Variants in TMEM154 observed in about 807,000 individuals in gnomAD.
The protein encoded by TMEM154 is transmembrane protein 154.
Under a neutral mutation model 24.5 loss-of-function variants are expected in TMEM154, and 27 were observed. That is an observed-to-expected ratio of 1.10 (90% CI 0.81 to 1.52). The LOEUF (loss-of-function observed/expected upper bound fraction) is 1.52, where lower values mean the gene tolerates loss of function less well. TMEM154 is among the 40% of genes most tolerant of loss of function. TMEM154 has a pLI of 0.00. For missense variants in TMEM154, 228 were observed against 213.4 expected (o/e 1.07, Z -0.43); for synonymous variants, 67 against 76.8 (o/e 0.87, Z 0.67).
intron 1 of TMEM154, among the ~76,000 whole-genome samples, chr4:152,660,622 G>A (rs140285391): frequency 6.6e-6 from 1 of 152,270 alleles, no homozygotes; most frequent in African/African-American, 2.4e-5. Flanking sequence ...CCAGGGGGCC[G>A]ATGGCAGAAC....
chr4:152,659,783 G>A (rs1242476598), intron 1 of TMEM154, among the ~76,000 whole-genome samples: 1 of 152,158 alleles, frequency 6.6e-6, no homozygotes, highest in Middle Eastern at 3.2e-3. Context: ...GAAATTATCG[G>A]TAGTACTGAA....
In TMEM154 at chr4:152,654,239, G is replaced by A. The variant is rs1049401339; in HGVS notation, c.65-1312C>T. On this transcript the variant is annotated intron_variant, in intron 1 of 6. Transcript: ENST00000304385. ...AGGGGCCAACTGAGGAAAATACCTC[G>A]TAAGTTGATGCTACAGAAAACTTAT... 6.4e-4 allele frequency among the ~76,000 whole-genome samples: 97 copies of A among 152,278 alleles called. 1 individual carries two copies. Among genetic ancestry groups the A allele is most frequent in the Admixed American group, 2.6e-4 (4 of 15,296 alleles).
chr4:152,646,769 C>A (rs750657082), intron 3 of TMEM154: 101 of 588,876 alleles, frequency 1.7e-4, no homozygotes, highest in South Asian at 8.2e-4. Context: ...CTGGTGGAGG[C>A]TAGGGGAGGG....
At chr4:152,643,501 CG>C (rs1200033094) in intron 4 of TMEM154, among the ~76,000 whole-genome samples, 1 of 152,182 alleles carries the variant, frequency 6.6e-6, no homozygotes, top group Non-Finnish European at 1.5e-5. Context: ...GAGGCCCTTC[CG>C]GGGAGTTGCC....
intron 3 of TMEM154, 23 bp from the exon 4 acceptor site, chr4:152,644,465 G>A (rs775583380): frequency 6.2e-7 from 1 of 1,613,362 alleles, no homozygotes; most frequent in South Asian, 1.1e-5. Context: ...GAACATAAAG[G>A]TCATGTTAGC....
chr4:152,661,996 A>G (rs1227515981), intron 1 of TMEM154, among the ~76,000 whole-genome samples: 2 of 152,182 alleles, frequency 1.3e-5, no homozygotes, highest in African/African-American at 4.8e-5. Flanking sequence ...TTTTCACTTA[A>G]AATTTTATCT....
At chr4:152,656,203 T>C (rs768725250) in intron 1 of TMEM154, among the ~76,000 whole-genome samples, 1 of 152,156 alleles carries the variant, frequency 6.6e-6, no homozygotes, top group Non-Finnish European at 1.5e-5. Flanking sequence ...CTACCACTGA[T>C]ACTGCCAACA....
intron 3 of TMEM154, chr4:152,646,660 C>A: frequency 2.8e-6 from 1 of 357,548 alleles, no homozygotes; most frequent in African/African-American, 2.1e-5. Context: ...TCCTCCAACC[C>A]ACTTTGTCCT....
chr4:152,662,208 A>T (rs960343663), intron 1 of TMEM154, among the ~76,000 whole-genome samples: 4 of 152,028 alleles, frequency 2.6e-5, no homozygotes, highest in African/African-American at 7.2e-5. Context: ...AGAGGGTGTT[A>T]GGTGCAGGGT....
intron 1 of TMEM154, among the ~76,000 whole-genome samples, chr4:152,665,148 C>G (rs1656725875): frequency 2.0e-5 from 3 of 152,206 alleles, no homozygotes; most frequent in Admixed American, 2.0e-4. Context: ...CAGTCCAAGG[C>G]TGAATGAGCT....
Position 152,670,296 on chromosome 4 carries a change from G to T in TMEM154, c.64+9574C>A, listed in dbSNP as rs569449143. Among the ~76,000 whole-genome samples the T allele has an allele frequency of 1.3e-3, 201 of 152,302 alleles. 1 individual carries two copies. Among genetic ancestry groups the T allele is most frequent in the African/African-American group, 4.5e-3 (189 of 41,556 alleles). On this transcript the variant is annotated intron_variant, in intron 1 of 6. Transcript: ENST00000304385. ...GAGGTGAACTGTTCATACATTAAAA[G>T]ATTTGGGAGGCCGGGTGCGGTGGCT...
intron 1 of TMEM154, among the ~76,000 whole-genome samples, chr4:152,674,229 G>C (rs1728907711): frequency 6.6e-6 from 1 of 152,076 alleles, no homozygotes; most frequent in Admixed American, 6.6e-5. Flanking sequence ...TGTGGGCCCA[G>C]GGAGATAACA....
intron 1 of TMEM154, among the ~76,000 whole-genome samples, chr4:152,671,538 G>A (rs1005034103): frequency 1.3e-5 from 2 of 151,532 alleles, no homozygotes; most frequent in East Asian, 2.0e-4. Flanking sequence ...ACGAGGTCAG[G>A]AGATCGAGAC....
chr4:152,662,391 C>G (rs1728629548), intron 1 of TMEM154, among the ~76,000 whole-genome samples: 1 of 152,064 alleles, frequency 6.6e-6, no homozygotes, highest in Admixed American at 6.6e-5. Flanking sequence ...TGGGGATCAG[C>G]TCCAAGAGTT....
intron 3 of TMEM154, 64 bp from the exon 4 acceptor site, chr4:152,644,506 A>G (rs1752317685): frequency 6.6e-7 from 1 of 1,512,172 alleles, no homozygotes; most frequent in Non-Finnish European, 9.2e-7. Context: ...TTTAATTTCA[A>G]CAACAGCTGA....
rs532266548 is a variant in TMEM154, at chr4:152,628,187, A to G, written c.*359T>C. ...TCCTGATTTAGGCCCTAAGGAATGA[A>G]GCAGAAAGGTGACGAACATTTATCA... On this transcript the variant is annotated 3_prime_UTR_variant, in exon 7 of 7. Coordinates refer to ENST00000304385, the MANE Select transcript of TMEM154 (RefSeq NM_152680.3). 2 of 278,910 alleles carry G rather than the reference A, an allele frequency of 7.2e-6. No homozygotes were observed. The highest frequency in any genetic ancestry group is 7.4e-5 in the South Asian group (1 of 13,500). The allele number at this position is 278,910 out of a possible 1,614,324, so 17.3% of individuals were successfully genotyped here.
In TMEM154 at chr4:152,633,187, A is replaced by C. The variant is rs571237727; in HGVS notation, c.537-4626T>G. Among the ~76,000 whole-genome samples the C allele has an allele frequency of 7.2e-5, 11 of 152,358 alleles. No individual in the cohort carries two copies. In the South Asian group the frequency reaches 2.3e-3, roughly 32 times the overall value. ...ACTTGTTTAACTTAAAGCACCAAAG[A>C]GGAAAAGAAGCTCAAGCTATGGTGC... On this transcript the variant is annotated intron_variant, in intron 6 of 6. Transcript: ENST00000304385.
At chr4:152,662,432 G>A (rs1178912140) in intron 1 of TMEM154, among the ~76,000 whole-genome samples, 1 of 152,134 alleles carries the variant, frequency 6.6e-6, no homozygotes, top group Non-Finnish European at 1.5e-5. Context: ...GTCATCAAAA[G>A]GTGAGCTGGC....
rs748920370 is a variant in TMEM154, at chr4:152,652,657, A to G, written c.325+10T>C. On this transcript the variant is annotated intron_variant, in intron 2 of 6. Transcript: ENST00000304385. ...AATTTTCTGGAAATGGAAATACACC[A>G]AATATTTACCTTGTTTAGTTCTTTT... The G allele has an allele frequency of 6.2e-7, 1 of 1,613,546 alleles. No homozygotes were observed. Among genetic ancestry groups the G allele is most frequent in the South Asian group, 1.1e-5 (1 of 90,936 alleles).
Sources: allele counts gnomAD v4.1 joint callset (sites outside exome capture counted in the v4.1 genomes callset), GRCh38; gene constraint gnomAD v4.1.1; transcripts MANE v1.5; gene names NCBI Gene and HGNC (gene_info 2026-07-23, HGNC 2026-07-21).